The following RBM27 variants were observed in gnomAD, a reference collection of about 807,000 sequenced individuals.
The protein encoded by RBM27 is RNA-binding protein 27.
In RBM27, 22 loss-of-function variants were observed where a neutral mutation model predicts 135.3. That is an observed-to-expected ratio of 0.16 (90% CI 0.12 to 0.23). The LOEUF is 0.23. RBM27 is among the 10% of genes least tolerant of loss of function. RBM27 has a pLI of 1.00. For missense variants in RBM27, 1,009 were observed against 1,281.0 expected (o/e 0.79, Z 3.24); for synonymous variants, 481 against 442.4 (o/e 1.09, Z -1.10).
At chr5:146,240,691 A>G (rs1470516594) in intron 8 of RBM27, among the ~76,000 whole-genome samples, 1 of 152,174 alleles carries the variant, frequency 6.6e-6, no homozygotes, top group Admixed American at 6.6e-5. Context: ...ATATACTTAT[A>G]TATAGGCCTA....
chr5:146,262,030 T>G (rs2126855237), intron 13 of RBM27, among the ~76,000 whole-genome samples: 1 of 152,258 alleles, frequency 6.6e-6, no homozygotes, highest in Middle Eastern at 3.4e-3. Context: ...TCCCTATGGG[T>G]GGGGCCCAAG....
At chr5:146,251,584 T>C in intron 8 of RBM27, 127 bp from the exon 9 acceptor site, 1 of 856,840 alleles carries the variant, frequency 1.2e-6, no homozygotes, top group Non-Finnish European at 1.8e-6. Flanking sequence ...AGGAACATCT[T>C]TCTGTACTTC....
chr5:146,242,066 G>A (rs776457994), intron 8 of RBM27, among the ~76,000 whole-genome samples: 7 of 151,778 alleles, frequency 4.6e-5, no homozygotes, highest in Admixed American at 1.3e-4. Context: ...CTGGGATCAC[G>A]GGTGTGAGCC....
At position 146,261,589 on chromosome 5, in the gene RBM27, C is replaced by T. The variant is rs1018116714; in HGVS notation, c.1973C>T (p.Thr658Ile). 1 of 1,614,100 alleles carries T rather than the reference C, an allele frequency of 6.2e-7. No individual in the cohort carries two copies. Among genetic ancestry groups the T allele is most frequent in the African/African-American group, 1.3e-5 (1 of 74,932 alleles). Residue 658 changes from threonine (T) to isoleucine (I), a missense_variant, in exon 13 of 21, where the codon ACA becomes ATA. Physicochemically the swap from Thr to Ile is moderately conservative, Grantham distance 89. This residue lies in a region of RBM27 where 34 missense variants were observed against 82.8 expected (regional missense o/e 0.41). Transcript: ENST00000265271. ...GAGGCCAGGAAAGCCATTTCTAGCA[C>T]AGAAGCAGTTCTAAACAACCGATTC... ...NEEARKAISS[T>I]EAVLNNRFIR...
intron 1 of RBM27, among the ~76,000 whole-genome samples, chr5:146,216,292 C>T (rs1756190658): frequency 6.6e-6 from 1 of 152,076 alleles, no homozygotes; most frequent in Non-Finnish European, 1.5e-5. Flanking sequence ...CACACTTTGG[C>T]CTCCCACAGG....
chr5:146,255,948 C>T (rs1187324594), intron 10 of RBM27, among the ~76,000 whole-genome samples: 3 of 151,264 alleles, frequency 2.0e-5, no homozygotes, highest in Non-Finnish European at 4.4e-5. Flanking sequence ...CTCTGCCTCC[C>T]AAGTTCAAGG....
intron 11 of RBM27, among the ~76,000 whole-genome samples, chr5:146,259,836 A>G (rs35728795): frequency 0.38 from 55,697 of 148,454 alleles, 10,984 homozygotes; most frequent in African/African-American, 0.48. Flanking sequence ...AGCCGGGCGC[A>G]GTGGCGGGCG....
chr5:146,286,535 T>A lies in RBM27; in HGVS notation c.*505T>A, dbSNP rs990356288. 1.3e-5 allele frequency: 2 copies of A among 151,968 alleles called. No homozygotes were observed. The highest frequency in any genetic ancestry group is 4.8e-5 in the African/African-American group (2 of 41,390). 9.4% of individuals were successfully genotyped at this position (151,968 alleles called of 1,614,324 possible). On this transcript the variant is annotated 3_prime_UTR_variant, in exon 21 of 21. Transcript: ENST00000265271. ...ATATGTTTATTTTAATTTTAATTTT[T>A]TTTTTTTTTTACTTTGGAGGAGCCC... is the stretch of plus-strand genomic sequence containing the variant.
rs369830436 is a variant in RBM27 at position 146,229,918 on chromosome 5, G to C, written c.589+8G>C. 112 of 1,613,588 alleles carry C rather than the reference G, an allele frequency of 6.9e-5. No individual in the cohort carries two copies. Among genetic ancestry groups the C allele is most frequent in the Admixed American group, 1.0e-4 (6 of 59,982 alleles). On this transcript the variant is annotated splice_region_variant and intron_variant, in intron 5 of 20. Coordinates refer to ENST00000265271, the MANE Select transcript of RBM27 (RefSeq NM_018989.2). ...ATCCAAATAGGAATGTTGGTGAGTA[G>C]ATGAGTGTCCCCCTAAAAACTCTGT...
At chr5:146,251,982 T>G (rs373494509) in intron 9 of RBM27, 107 bp downstream of exon 9, 3 of 1,240,228 alleles carry the variant, frequency 2.4e-6, no homozygotes, top group African/African-American at 1.5e-5. Flanking sequence ...AAAGTCCCAT[T>G]AAAGCTCATA....
At chr5:146,285,903 C>G (rs768387198) in intron 20 of RBM27, 44 bp from the exon 21 acceptor site, 1 of 1,454,580 alleles carries the variant, frequency 6.9e-7, no homozygotes, top group Non-Finnish European at 9.6e-7. Context: ...ATTTTACTTA[C>G]CATTCTTGTG....
At chr5:146,205,143 T>C (rs985014280) in intron 1 of RBM27, among the ~76,000 whole-genome samples, 2 of 152,202 alleles carry the variant, frequency 1.3e-5, no homozygotes, top group Non-Finnish European at 2.9e-5. Context: ...GGTGATCCGC[T>C]CGCCTTGGCC....
Position 146,271,638 on chromosome 5 carries a change from T to C in RBM27, c.2952T>C (p.Ile984=). Residue 984 remains isoleucine, a synonymous_variant, in exon 19 of 21, where the codon ATT becomes ATC. Transcript: ENST00000265271. ...RPKALTVGGF[I]EEEKEDLLQH... is the part of the protein sequence containing the mutation. ...AAGCACTAACAGTTGGAGGATTCAT[T>C]GAGGAAGAAAAAGAAGACTTGCTTC... is the stretch of plus-strand genomic sequence containing the variant. The C allele has an allele frequency of 6.2e-7, 1 of 1,613,644 alleles. No homozygotes were observed. The highest frequency in any genetic ancestry group is 8.5e-7 in the Non-Finnish European group (1 of 1,179,824).
chr5:146,261,635 G>C lies in RBM27; in HGVS notation c.2019G>C (p.Arg673Ser). The C allele has an allele frequency of 6.2e-7, 1 of 1,614,140 alleles. No individual in the cohort carries two copies. The highest frequency in any genetic ancestry group is 8.5e-7 in the Non-Finnish European group (1 of 1,180,038). Residue 673 changes from arginine (R) to serine (S), a missense_variant, in exon 13 of 21, where the codon AGG becomes AGC. Coordinates refer to ENST00000265271, the MANE Select transcript of RBM27 (RefSeq NM_018989.2). The part of the protein sequence containing the change: ...NNRFIRVLWH[R>S]ENNEQPTLQS... ...GATTCATTCGAGTCTTGTGGCATAG[G>C]GAAAATAATGAGCAACCGACACTAC... is the stretch of plus-strand genomic sequence containing the variant.
chr5:146,206,425 G>T (rs1249290816), intron 1 of RBM27, among the ~76,000 whole-genome samples: 2 of 127,954 alleles, frequency 1.6e-5, no homozygotes, highest in African/African-American at 3.0e-5. Flanking sequence ...TGATCATTCT[G>T]TAATTTTCAT....
At chr5:146,259,436 G>A (rs910318500) in intron 11 of RBM27, among the ~76,000 whole-genome samples, 12 of 147,704 alleles carry the variant, frequency 8.1e-5, no homozygotes, top group Non-Finnish European at 1.6e-4. Flanking sequence ...CCTGGGAGGC[G>A]GAGGTTGCAG....
intron 7 of RBM27, 33 bp downstream of exon 7, chr5:146,233,776 G>A (rs938128487): frequency 7.4e-6 from 10 of 1,348,144 alleles, no homozygotes; most frequent in African/African-American, 1.5e-5. Context: ...TTTCTCTAGC[G>A]TTCTGTTTAG....
chr5:146,214,092 A>G (rs1256082338), intron 1 of RBM27, among the ~76,000 whole-genome samples: 2 of 152,196 alleles, frequency 1.3e-5, no homozygotes, highest in Non-Finnish European at 2.9e-5. Context: ...CTTGTGTGGA[A>G]TTGCAGCTGA....
intron 8 of RBM27, among the ~76,000 whole-genome samples, chr5:146,246,360 T>C (rs1379044457): frequency 2.0e-5 from 3 of 152,192 alleles, no homozygotes; most frequent in African/African-American, 7.2e-5. Flanking sequence ...GTTGAAAATA[T>C]TGATATTAGG....
Sources: allele counts gnomAD v4.1 joint callset (sites outside exome capture counted in the v4.1 genomes callset), GRCh38; gene constraint gnomAD v4.1.1; regional missense constraint gnomAD v4.1.1; transcripts MANE v1.5; gene names NCBI Gene and HGNC (gene_info 2026-07-23, HGNC 2026-07-21).